Variants in DNAJC27 observed in about 807,000 individuals in gnomAD.
The protein encoded by DNAJC27 is DnaJ heat shock protein family (Hsp40) member C27, also known as dnaJ homolog subfamily C member 27.
DNAJC27 carries 25 observed loss-of-function variants against 31.4 expected under a neutral mutation model. The ratio of observed to expected loss-of-function variants is 0.80; its 90% CI spans 0.58 to 1.11. The LOEUF (loss-of-function observed/expected upper bound fraction) is 1.11, where lower values mean the gene tolerates loss of function less well. DNAJC27 is among the 50% of genes most tolerant of loss of function. The pLI is 0.00. For missense variants in DNAJC27, 356 were observed against 347.3 expected (o/e 1.02, Z -0.20); for synonymous variants, 106 against 112.7 (o/e 0.94, Z 0.37).
intron 1 of DNAJC27, among the ~76,000 whole-genome samples, chr2:24,968,665 A>C (rs1455527370): frequency 6.6e-6 from 1 of 152,100 alleles, no homozygotes; most frequent in Non-Finnish European, 1.5e-5. Flanking sequence ...TGAGAAAGGA[A>C]TGTAATAGGA....
At chr2:24,953,620 T>A (rs553988336) in intron 5 of DNAJC27, 2 of 445,888 alleles carry the variant, frequency 4.5e-6, no homozygotes, top group East Asian at 3.1e-4. Flanking sequence ...ATCCATTAGT[T>A]CTATCCAAGA....
chr2:24,957,982 T>TA lies in DNAJC27; in HGVS notation c.241-9dup. 6.2e-7 allele frequency: 1 copy of TA among 1,608,376 alleles called. No individual in the cohort carries two copies. The highest frequency in any genetic ancestry group is 8.5e-7 in the Non-Finnish European group (1 of 1,177,232). Reference sequence around the variant, plus strand: ...GTAAAACTCATTTCGAACCTTCAAATAAAAGGACAGATACACAAAACGTAG... The same window carrying TA: ...GTAAAACTCATTTCGAACCTTCAAATAAAAAGGACAGATACACAAAACGTAG... On this transcript the variant is annotated splice_polypyrimidine_tract_variant and intron_variant, in intron 3 of 6. Transcript: ENST00000264711.
In DNAJC27 at chr2:24,945,610, A is replaced by T. The variant is rs1401098907; in HGVS notation, c.*2006T>A. On this transcript the variant is annotated 3_prime_UTR_variant, in exon 7 of 7. Coordinates refer to ENST00000264711, the MANE Select transcript of DNAJC27 (RefSeq NM_016544.3). ...TGTCTGAGTGCTTTCAGCATGATAA[A>T]GGCCTTCCTTAAGCAAAATTTAGGT... 1 of 152,254 alleles carries T rather than the reference A, an allele frequency of 6.6e-6. No individual in the cohort carries two copies. The highest frequency in any genetic ancestry group is 1.5e-5 in the Non-Finnish European group (1 of 68,048). 9.4% of individuals were successfully genotyped at this position (152,254 alleles called of 1,614,324 possible).
chr2:24,957,168 G>A lies in DNAJC27; in HGVS notation c.406-3C>T. The A allele has an allele frequency of 6.3e-7, 1 of 1,590,860 alleles. No homozygotes were observed. The stretch of plus-strand genomic sequence containing the variant: ...CAGCGATGTTTGGTACAATCAATCT[G>A]AAATAGAAGGGGCGGGGGACAGAGA... On this transcript the variant is annotated splice_polypyrimidine_tract_variant and splice_region_variant and intron_variant, in intron 4 of 6. Transcript: ENST00000264711.
At chr2:24,950,853 T>TA (rs1229494266) in intron 6 of DNAJC27, among the ~76,000 whole-genome samples, 3 of 145,952 alleles carry the variant, frequency 2.1e-5, no homozygotes, top group African/African-American at 7.5e-5. Flanking sequence ...GTCTCAAAAA[T>TA]AAAAATAAAA....
In DNAJC27 at chr2:24,945,067, A is replaced by G. The variant is rs527976989; in HGVS notation, c.*2549T>C. On this transcript the variant is annotated 3_prime_UTR_variant, in exon 7 of 7. Coordinates refer to ENST00000264711, the MANE Select transcript of DNAJC27 (RefSeq NM_016544.3). ...TTTTAATAAGGTTGAACTACAAAGC[A>G]CACATTTGCACCAAGAATTTAAATT... 6.6e-6 allele frequency: 1 copy of G among 152,366 alleles called. No homozygotes were observed. The highest frequency in any genetic ancestry group is 2.1e-4 in the South Asian group (1 of 4,830). 9.4% of individuals were successfully genotyped at this position (152,366 alleles called of 1,614,324 possible).
chr2:24,947,312 C>T lies in DNAJC27; in HGVS notation c.*304G>A, dbSNP rs756759886. 1 of 220,998 alleles carries T rather than the reference C, an allele frequency of 4.5e-6. No homozygotes were observed. The highest frequency in any genetic ancestry group is 5.7e-5 in the Admixed American group (1 of 17,610). The allele number at this position is 220,998 out of a possible 1,614,324, so 13.7% of individuals were successfully genotyped here. A position where few individuals can be genotyped will look rare whatever the true frequency, so the allele number is the denominator to read the frequency against. On this transcript the variant is annotated 3_prime_UTR_variant, in exon 7 of 7. Transcript: ENST00000264711. ...CCTCCTCCAGGAACCTTGTGGATTT[C>T]CCCAAGTGAAATGTCTAAGTGATAC...
rs184871179 is a variant in DNAJC27 at position 24,963,370 on chromosome 2, A to G, written c.240+35T>C. ...GATCTCTCCCCAAACCACCAACAATACTGGATATAGGTTTTGTCAAAAAGG... is the reference window on the plus strand; with the variant it reads ...GATCTCTCCCCAAACCACCAACAATGCTGGATATAGGTTTTGTCAAAAAGG... On this transcript the variant is annotated intron_variant, in intron 3 of 6. Transcript: ENST00000264711. 2.3e-5 allele frequency: 35 copies of G among 1,545,406 alleles called. No individual in the cohort carries two copies. The African/African-American group carries it at 4.6e-4, about 20-fold the overall frequency.
At chr2:24,964,477 A>T (rs1337769742) in intron 2 of DNAJC27, among the ~76,000 whole-genome samples, 1 of 152,042 alleles carries the variant, frequency 6.6e-6, no homozygotes, top group Non-Finnish European at 1.5e-5. Context: ...AAACACAAAG[A>T]TGAATGTTTA....
At chr2:24,947,972 T>C (rs1665686194) in intron 6 of DNAJC27, among the ~76,000 whole-genome samples, 2 of 152,176 alleles carry the variant, frequency 1.3e-5, no homozygotes, top group Admixed American at 1.3e-4. Flanking sequence ...GCAAAAAGTA[T>C]ATAAATGCTA....
intron 2 of DNAJC27, among the ~76,000 whole-genome samples, chr2:24,966,121 G>A (rs1312189857): frequency 1.3e-5 from 2 of 152,196 alleles, no homozygotes; most frequent in Admixed American, 6.5e-5. Flanking sequence ...ATGTTTAGAA[G>A]ACCTTACGGG....
At chr2:24,971,598 C>A (rs962824249) in intron 1 of DNAJC27, 2 of 472,814 alleles carry the variant, frequency 4.2e-6, no homozygotes, top group Admixed American at 4.1e-5. Context: ...ACCCCAGACA[C>A]CATCTCCGGA....
rs1558555621 is a variant in DNAJC27 at position 24,963,489 on chromosome 2, T to C, written c.171-15A>G. The stretch of plus-strand genomic sequence containing the variant: ...TGACGTGTACCCTGAAATGTTCAAA[T>C]GGAAACAATCCGAAAGAAAGTCATG... On this transcript the variant is annotated splice_polypyrimidine_tract_variant and intron_variant, in intron 2 of 6. Transcript: ENST00000264711. 6.2e-7 allele frequency: 1 copy of C among 1,605,664 alleles called. No individual in the cohort carries two copies. The highest frequency in any genetic ancestry group is 8.5e-7 in the Non-Finnish European group (1 of 1,173,694).
At chr2:24,965,870 G>A (rs1371152576) in intron 2 of DNAJC27, among the ~76,000 whole-genome samples, 1 of 152,080 alleles carries the variant, frequency 6.6e-6, no homozygotes, top group Non-Finnish European at 1.5e-5. Context: ...CTCTTTAGAT[G>A]TACCTATCTT....
At chr2:24,971,546 G>C (rs772863065) in intron 1 of DNAJC27, 1 of 302,286 alleles carries the variant, frequency 3.3e-6, no homozygotes, top group Non-Finnish European at 6.2e-6. Context: ...GGGGACCCAG[G>C]CCTTCTTACT....
chr2:24,961,978 T>C (rs999234065), intron 3 of DNAJC27, among the ~76,000 whole-genome samples: 28 of 152,196 alleles, frequency 1.8e-4, no homozygotes, highest in Non-Finnish European at 5.9e-5. Context: ...GAAAATGCTG[T>C]CAAATAGCAT....
intron 3 of DNAJC27, chr2:24,958,586 G>T (rs542018151): frequency 4.8e-6 from 2 of 418,036 alleles, no homozygotes; most frequent in Non-Finnish European, 1.0e-5. Flanking sequence ...ACCTCTCTGC[G>T]TCTCAGTTTC....
intron 5 of DNAJC27, among the ~76,000 whole-genome samples, chr2:24,952,675 G>A (rs1481137751): frequency 6.6e-6 from 1 of 151,518 alleles, no homozygotes; most frequent in Non-Finnish European, 1.5e-5. Flanking sequence ...TCTGACAACC[G>A]TTGTTAAAAA....
At chr2:24,962,466 G>A (rs942295606) in intron 3 of DNAJC27, among the ~76,000 whole-genome samples, 14 of 152,226 alleles carry the variant, frequency 9.2e-5, no homozygotes, top group African/African-American at 3.4e-4. Context: ...ATGTTGGCCA[G>A]GCTGGTCTCG....
Sources: gnomAD v4.1 joint callset for allele counts (sites outside exome capture counted in the v4.1 genomes callset) on GRCh38, gnomAD v4.1.1 for gene constraint, MANE v1.5 for transcripts, NCBI Gene and HGNC (gene_info 2026-07-23, HGNC 2026-07-21) for gene names.